ITGBL1: variants seen among roughly 807,000 people sequenced by gnomAD.
ITGBL1 encodes the protein integrin beta-like protein 1.
A neutral mutation model predicts 68.5 loss-of-function variants in ITGBL1; 51 were observed. The observed-to-expected ratio is 0.74, with a 90% CI of 0.59 to 0.94. ITGBL1 has a LOEUF of 0.94. ITGBL1 is among the 40% of genes least tolerant of loss of function. ITGBL1 has a pLI of 0.00. For missense variants in ITGBL1, 649 were observed against 647.4 expected (o/e 1.00, Z -0.03); for synonymous variants, 209 against 227.3 (o/e 0.92, Z 0.72).
At chr13:101,639,928 A>G (rs2032307147) in intron 7 of ITGBL1, among the ~76,000 whole-genome samples, 1 of 152,136 alleles carries the variant, frequency 6.6e-6, no homozygotes, top group Admixed American at 6.6e-5. Context: ...TTCAGCTCAT[A>G]ATGACCATGA....
At chr13:101,612,079 T>C (rs1341499985) in intron 7 of ITGBL1, among the ~76,000 whole-genome samples, 4 of 152,188 alleles carry the variant, frequency 2.6e-5, no homozygotes, top group Non-Finnish European at 5.9e-5. Context: ...TCTCCATAAA[T>C]ATTTATTTTT....
intron 2 of ITGBL1, among the ~76,000 whole-genome samples, chr13:101,553,623 G>C (rs1023387845): frequency 6.6e-6 from 1 of 152,118 alleles, no homozygotes; most frequent in Non-Finnish European, 1.5e-5. Context: ...GGTGTTGGCA[G>C]ACTTGGTTCC....
At position 101,516,914 on chromosome 13, in the gene ITGBL1, T is replaced by A. The variant is rs938401196; in HGVS notation, c.317-50785T>A. 4.9e-4 allele frequency among the ~76,000 whole-genome samples: 74 copies of A among 152,124 alleles called. 1 individual carries two copies. The highest frequency in any genetic ancestry group is 8.8e-5 in the Non-Finnish European group (6 of 68,012). ...ATGTATTTACCACTTAGAGAGAAAG[T>A]TTATTCCTATCTAGCTTGTGTGAAA... On this transcript the variant is annotated intron_variant, in intron 2 of 10. Coordinates refer to ENST00000376180, the MANE Select transcript of ITGBL1 (RefSeq NM_004791.3).
intron 7 of ITGBL1, among the ~76,000 whole-genome samples, chr13:101,685,403 A>G (rs537975122): frequency 6.6e-6 from 1 of 152,206 alleles, no homozygotes; most frequent in Non-Finnish European, 1.5e-5. Context: ...ATACCTTGCC[A>G]AAATGTTTTA....
intron 7 of ITGBL1, among the ~76,000 whole-genome samples, chr13:101,682,397 T>C (rs1221558858): frequency 3.9e-5 from 6 of 152,134 alleles, no homozygotes; most frequent in African/African-American, 1.4e-4. Flanking sequence ...TCTTGCAGTA[T>C]CTTATGGATA....
At chr13:101,481,703 T>C (rs1425426095) in intron 2 of ITGBL1, among the ~76,000 whole-genome samples, 1 of 152,194 alleles carries the variant, frequency 6.6e-6, no homozygotes, top group Non-Finnish European at 1.5e-5. Context: ...TCTTTTTAAA[T>C]TCATTCATTG....
intron 2 of ITGBL1, among the ~76,000 whole-genome samples, chr13:101,470,072 T>C (rs1044665068): frequency 6.6e-6 from 1 of 152,142 alleles, no homozygotes; most frequent in African/African-American, 2.4e-5. Context: ...CTAGCCTCAT[T>C]AGCTGTGAGA....
chr13:101,668,429 G>T (rs1379022112), intron 7 of ITGBL1, among the ~76,000 whole-genome samples: 4 of 152,054 alleles, frequency 2.6e-5, no homozygotes, highest in Non-Finnish European at 5.9e-5. Context: ...CAGCTTAATA[G>T]CAAAATAGAT....
At chr13:101,571,337 A>C (rs2050268864) in intron 3 of ITGBL1, among the ~76,000 whole-genome samples, 1 of 152,116 alleles carries the variant, frequency 6.6e-6, no homozygotes, top group African/African-American at 2.4e-5. Context: ...TACCTCAATC[A>C]TGCCCAAGAT....
At chr13:101,520,105 T>A (rs931895235) in intron 2 of ITGBL1, among the ~76,000 whole-genome samples, 1 of 152,150 alleles carries the variant, frequency 6.6e-6, no homozygotes, top group South Asian at 2.1e-4. Flanking sequence ...TTGCTGCAGA[T>A]CACATAGAAT....
chr13:101,627,436 T>A (rs1190758713), intron 7 of ITGBL1, among the ~76,000 whole-genome samples: 2 of 152,070 alleles, frequency 1.3e-5, no homozygotes, highest in South Asian at 2.1e-4. Context: ...TGGTTACAAG[T>A]CAGGAACCTA....
At chr13:101,535,987 G>C (rs1241488824) in intron 2 of ITGBL1, among the ~76,000 whole-genome samples, 1 of 151,924 alleles carries the variant, frequency 6.6e-6, no homozygotes. Context: ...TTTTGTGTTT[G>C]ATCCTCAATT....
intron 2 of ITGBL1, among the ~76,000 whole-genome samples, chr13:101,531,612 G>T (rs994776404): frequency 2.2e-5 from 3 of 138,176 alleles, no homozygotes; most frequent in East Asian, 2.4e-4. Context: ...TATTTTTTGG[G>T]GGGAGGGGAT....
At chr13:101,682,623 A>G (rs1450218636) in intron 7 of ITGBL1, among the ~76,000 whole-genome samples, 1 of 152,048 alleles carries the variant, frequency 6.6e-6, no homozygotes, top group South Asian at 2.1e-4. Flanking sequence ...TCTATTGTGA[A>G]TAACCCATTT....
intron 2 of ITGBL1, among the ~76,000 whole-genome samples, chr13:101,513,810 A>C (rs2049152848): frequency 6.6e-6 from 1 of 152,108 alleles, no homozygotes; most frequent in African/African-American, 2.4e-5. Flanking sequence ...TGCAGTAATT[A>C]TTTTGCACCA....
At chr13:101,504,733 A>C (rs1044132884) in intron 2 of ITGBL1, among the ~76,000 whole-genome samples, 1 of 152,214 alleles carries the variant, frequency 6.6e-6, no homozygotes, top group African/African-American at 2.4e-5. Flanking sequence ...AGAAGGTGAA[A>C]TAGCCCTTGC....
chr13:101,551,439 C>T (rs2049918896), intron 2 of ITGBL1, among the ~76,000 whole-genome samples: 2 of 152,136 alleles, frequency 1.3e-5, no homozygotes, highest in African/African-American at 4.8e-5. Context: ...AACCAGAAGG[C>T]AAAGAAGTCA....
intron 7 of ITGBL1, among the ~76,000 whole-genome samples, chr13:101,603,930 G>A (rs1594921715): frequency 6.6e-6 from 1 of 151,858 alleles, no homozygotes. Flanking sequence ...ATTATTTAAA[G>A]GGTTTACATT....
rs370167728 is a variant in ITGBL1, at chr13:101,545,038, C to T, written c.317-22661C>T. Among the ~76,000 whole-genome samples, 36 of 152,318 alleles carry T rather than the reference C, an allele frequency of 2.4e-4. No homozygotes were observed. The South Asian group carries it at 3.9e-3, about 17-fold the overall frequency. On this transcript the variant is annotated intron_variant, in intron 2 of 10. Coordinates refer to ENST00000376180, the MANE Select transcript of ITGBL1 (RefSeq NM_004791.3). ...TCCTCACCCTGCTTCAGCTCACACT[C>T]GGTGCGCTGCACCCACTGTCCTGCA...
Sources: gnomAD v4.1 joint callset for allele counts (sites outside exome capture counted in the v4.1 genomes callset) on GRCh38, gnomAD v4.1.1 for gene constraint, MANE v1.5 for transcripts, NCBI Gene and HGNC (gene_info 2026-07-23, HGNC 2026-07-21) for gene names.